The following SLC17A5 variants were observed in gnomAD, a reference collection of about 807,000 sequenced individuals.
The protein encoded by SLC17A5 is sialin.
In SLC17A5, 47 loss-of-function variants were observed where a neutral mutation model predicts 59.4. The observed-to-expected ratio is 0.79, with a 90% confidence interval of 0.63 to 1.01. The LOEUF is 1.01. SLC17A5 is among the 50% of genes least tolerant of loss of function. The pLI is 0.00. For missense variants in SLC17A5, 522 were observed against 595.5 expected, an observed-to-expected ratio of 0.88 and a Z score of 1.28; for synonymous variants, 202 against 210.7, an observed-to-expected ratio of 0.96 and a Z score of 0.36.
At chr6:73,613,041 CAAA>C (rs59903043) in intron 8 of SLC17A5, among the ~76,000 whole-genome samples, 62,575 of 144,674 alleles carry the variant, frequency 0.43, 13,754 homozygotes, top group African/African-American at 0.58. Context: ...GACCCTGTCT[CAAA>C]AAAAAAAAAA....
chr6:73,644,339 CT>C (rs1178249899), intron 2 of SLC17A5, 67 bp downstream of exon 2: 23 of 1,261,564 alleles, frequency 1.8e-5, no homozygotes, highest in Non-Finnish European at 2.1e-5. Context: ...GAAAAAAGAC[CT>C]TTTAATATTT....
chr6:73,626,284 G>T (rs1246639597), intron 6 of SLC17A5, among the ~76,000 whole-genome samples: 1 of 152,142 alleles, frequency 6.6e-6, no homozygotes, highest in East Asian at 1.9e-4. Flanking sequence ...CCTTCACATG[G>T]CAGGTTCTCA....
At chr6:73,619,619 ATAAT>A (rs1392285624) in intron 7 of SLC17A5, among the ~76,000 whole-genome samples, 1 of 151,836 alleles carries the variant, frequency 6.6e-6, no homozygotes, top group African/African-American at 2.4e-5. Flanking sequence ...AATAGGCTAT[ATAAT>A]TATAGAATTA....
rs561006116 is a variant in SLC17A5 at position 73,624,391 on chromosome 6, G to A, written c.820-2429C>T. On this transcript the variant is annotated intron_variant, in intron 6 of 10. Coordinates refer to ENST00000355773, the MANE Select transcript of SLC17A5 (RefSeq NM_012434.5). ...TGCACTCCCGCCTGGGCGACAGAGCGAGACTCTGTCTCAAAAAATAAAAAC... is the reference window on the plus strand; with the variant it reads ...TGCACTCCCGCCTGGGCGACAGAGCAAGACTCTGTCTCAAAAAATAAAAAC... 5.3e-5 allele frequency among the ~76,000 whole-genome samples: 8 copies of A among 152,008 alleles called. No individual in the cohort carries two copies. In the East Asian group the frequency reaches 1.6e-3, roughly 30 times the overall value.
chr6:73,603,142 A>AT lies in SLC17A5; in HGVS notation c.1260-2702dup, dbSNP rs74916771. Among the ~76,000 whole-genome samples, 941 of 148,386 alleles carry AT rather than the reference A, an allele frequency of 6.3e-3. 8 individuals are homozygous for AT. Among genetic ancestry groups the AT allele is most frequent in the African/African-American group, 0.021 (852 of 40,746 alleles). On this transcript the variant is annotated intron_variant, in intron 9 of 10. Transcript: ENST00000355773. ...AAAATTTGCTTGTTCCATTAATTAC[A>AT]TTTTTTTTTTTGAGACGGAGTCTCT...
intron 8 of SLC17A5, among the ~76,000 whole-genome samples, chr6:73,614,288 A>G (rs2150090499): frequency 6.6e-6 from 1 of 151,962 alleles, no homozygotes; most frequent in East Asian, 1.9e-4. Context: ...AAGAAAAGAA[A>G]TATGGCCAGT....
At chr6:73,616,675 C>G (rs1033399446) in intron 7 of SLC17A5, among the ~76,000 whole-genome samples, 1 of 149,392 alleles carries the variant, frequency 6.7e-6, no homozygotes, top group Non-Finnish European at 1.5e-5. Flanking sequence ...GTGGCGTGAT[C>G]TTGGCTCATT....
chr6:73,639,247 G>A (rs191328192), intron 3 of SLC17A5, among the ~76,000 whole-genome samples: 7 of 152,216 alleles, frequency 4.6e-5, no homozygotes, highest in Non-Finnish European at 8.8e-5. Context: ...GAGAGAGAAC[G>A]GCTCTCCTTG....
Position 73,610,482 on chromosome 6 carries a change from C to T in SLC17A5, c.1177G>A (p.Val393Ile), listed in dbSNP as rs140060360. Reference protein sequence around the residue: ...GFIGCDYSLAVAFLTISTTLG... With the variant: ...GFIGCDYSLAIAFLTISTTLG... ...GTTGTTGATATAGTTAGGAAAGCAA[C>T]GGCCAAAGAATAATCACAGCCAATG... The change falls in exon 9 of 11, where the codon GTT becomes ATT. Residue 393 changes from valine (V) to isoleucine (I), a missense_variant. By Grantham distance (29) the Val-to-Ile change is conservative (BLOSUM62 3). Transcript: ENST00000355773. 380 of 1,613,928 alleles carry T rather than the reference C, an allele frequency of 2.4e-4. 1 individual carries two copies. The highest frequency in any genetic ancestry group is 7.2e-4 in the Admixed American group (43 of 59,992).
At chr6:73,622,193 GAGGA>G (rs1354647124) in intron 6 of SLC17A5, among the ~76,000 whole-genome samples, 1 of 151,918 alleles carries the variant, frequency 6.6e-6, no homozygotes, top group Non-Finnish European at 1.5e-5. Context: ...ATTCAGATTA[GAGGA>G]AAAAGTAAAA....
intron 7 of SLC17A5, among the ~76,000 whole-genome samples, chr6:73,621,012 T>C (rs963506083): frequency 2.0e-5 from 3 of 150,414 alleles, no homozygotes; most frequent in Admixed American, 1.3e-4. Context: ...TTATTATTAT[T>C]ATTATTTTTT....
At chr6:73,602,571 G>A (rs556410733) in intron 9 of SLC17A5, among the ~76,000 whole-genome samples, 3 of 152,072 alleles carry the variant, frequency 2.0e-5, no homozygotes, top group Non-Finnish European at 4.4e-5. Context: ...TCAGGAGATC[G>A]AGACCATGCT....
Position 73,635,497 on chromosome 6 carries a change from G to T in SLC17A5, c.704C>A (p.Thr235Asn). The T allele has an allele frequency of 6.7e-7, 1 of 1,487,164 alleles. No individual in the cohort carries two copies. The allele number at this position is 1,487,164 out of a possible 1,614,324, so 92.1% of individuals were successfully genotyped here. Residue 235 changes from threonine to asparagine, a missense_variant, in exon 6 of 11, where the codon ACT becomes AAT. Thr to Asn is a moderately conservative substitution (Grantham distance 65). This residue lies in a region of SLC17A5 where 338 missense variants were observed against 363.8 expected (regional missense o/e 0.93). Coordinates refer to ENST00000355773, the MANE Select transcript of SLC17A5 (RefSeq NM_012434.5). ...NWTYVFYFFG[T>N]IGIFWFLLWI... ...CAAAAGAAACCAAAATATTCCAATAGTACCTTAAAATAGAAAAATAATAGT... is the reference window on the plus strand; with the variant it reads ...CAAAAGAAACCAAAATATTCCAATATTACCTTAAAATAGAAAAATAATAGT...
At chr6:73,604,537 A>T (rs1315352117) in intron 9 of SLC17A5, among the ~76,000 whole-genome samples, 2 of 152,008 alleles carry the variant, frequency 1.3e-5, no homozygotes, top group Admixed American at 6.6e-5. Flanking sequence ...TGAGCCCAGG[A>T]GTTTGAGACT....
In SLC17A5 at chr6:73,645,334, T is replaced by A. The variant is rs1769486759; in HGVS notation, c.95-731A>T. ...GCTGGGTTTGAATCAGAAGCCATGA[T>A]TAATACTTAAAGCCATCGTAAACTA... On this transcript the variant is annotated intron_variant, in intron 1 of 10. Transcript: ENST00000355773. The A allele has an allele frequency of 4.1e-6, 4 of 985,386 alleles. No individual in the cohort carries two copies. In the African/African-American group the frequency reaches 5.2e-5, roughly 13 times the overall value. 61.0% of individuals were successfully genotyped at this position (985,386 alleles called of 1,614,324 possible).
chr6:73,616,343 T>C (rs1023756349), intron 7 of SLC17A5, among the ~76,000 whole-genome samples: 7 of 152,294 alleles, frequency 4.6e-5, no homozygotes, highest in African/African-American at 1.7e-4. Flanking sequence ...CTCACTTTTA[T>C]TTATAGTTAC....
rs34409077 is a variant in SLC17A5, at chr6:73,635,742, CTTTTT to C, written c.701-247_701-243del. Among the ~76,000 whole-genome samples the C allele has an allele frequency of 2.0e-3, 284 of 142,358 alleles. 9 individuals are homozygous for C. The East Asian group carries it at 0.046, about 23-fold the overall frequency. The allele number at this position is 142,358 out of a possible 152,430, so 93.4% of individuals were successfully genotyped here. A position where few individuals can be genotyped will look rare whatever the true frequency, so the allele number is the denominator to read the frequency against. ...TGCTTATACATTTTGAAGAAAACAA[CTTTTT>C]TTTTTTTTTTTGAGATAGAGTCTTG... On this transcript the variant is annotated intron_variant, in intron 5 of 10. Coordinates refer to ENST00000355773, the MANE Select transcript of SLC17A5 (RefSeq NM_012434.5).
intron 8 of SLC17A5, among the ~76,000 whole-genome samples, 173 bp from the exon 9 acceptor site, chr6:73,610,720 T>TA (rs926922655): frequency 6.6e-5 from 10 of 151,906 alleles, no homozygotes; most frequent in African/African-American, 2.4e-4. Flanking sequence ...AACATGGGCG[T>TA]AATACAACTA....
chr6:73,651,800 G>C (rs550286891), intron 1 of SLC17A5, among the ~76,000 whole-genome samples: 7 of 152,036 alleles, frequency 4.6e-5, no homozygotes, highest in Non-Finnish European at 7.4e-5. Flanking sequence ...TGATCCGCCC[G>C]CCTCGGCCTC....
Sources: allele counts gnomAD v4.1 joint callset (sites outside exome capture counted in the v4.1 genomes callset), GRCh38; gene constraint gnomAD v4.1.1; regional missense constraint gnomAD v4.1.1; transcripts MANE v1.5; gene names NCBI Gene and HGNC (gene_info 2026-07-23, HGNC 2026-07-21).